SIGLEC15: variants seen among roughly 807,000 people sequenced by gnomAD.
SIGLEC15 encodes sialic acid-binding Ig-like lectin 15.
SIGLEC15 carries 31 observed loss-of-function variants against 26.2 expected under a neutral mutation model. The observed-to-expected ratio is 1.18, with a 90% confidence interval of 0.89 to 1.60. SIGLEC15 has a LOEUF of 1.60. Among genes scored for constraint, SIGLEC15 ranks in the 40% most tolerant of loss-of-function variants. SIGLEC15 has a pLI of 0.00. For synonymous variants in SIGLEC15, 207 were observed against 221.9 expected, an observed-to-expected ratio of 0.93 and a Z score of 0.60; for missense variants, 501 against 488.4, an observed-to-expected ratio of 1.03 and a Z score of -0.24.
chr18:45,825,843 G>A, intron 1 of SIGLEC15, 63 bp downstream of exon 1: 1 of 1,578,772 alleles, frequency 6.3e-7, no homozygotes, highest in East Asian at 2.3e-5. Context: ...AAGCATCTTA[G>A]GTACAGTCTC....
chr18:45,836,427 A>C (rs114485715), intron 1 of SIGLEC15, among the ~76,000 whole-genome samples: 5,983 of 152,090 alleles, frequency 0.039, 373 homozygotes, highest in African/African-American at 0.14. Flanking sequence ...GGGCAGGCTT[A>C]GAAGCCTGCC....
chr18:45,840,257 G>C lies in SIGLEC15; in HGVS notation c.905+16G>C, dbSNP rs201873132. ...CCCCACCACGGTAAGTGAGCTCCCC[G>C]CCTCCACCCTACCCTACCCCACCCA... is the stretch of plus-strand genomic sequence containing the variant. On this transcript the variant is annotated intron_variant, in intron 5 of 5. Coordinates refer to ENST00000389474, the MANE Select transcript of SIGLEC15 (RefSeq NM_213602.3). 4 of 1,609,412 alleles carry C rather than the reference G, an allele frequency of 2.5e-6. No individual in the cohort carries two copies. Among genetic ancestry groups the C allele is most frequent in the South Asian group, 1.1e-5 (1 of 90,268 alleles).
chr18:45,836,713 T>C (rs1005246390), intron 1 of SIGLEC15, among the ~76,000 whole-genome samples: 1 of 152,238 alleles, frequency 6.6e-6, no homozygotes, highest in Non-Finnish European at 1.5e-5. Context: ...GCCCAGGCAC[T>C]AGGGAAGCCA....
intron 5 of SIGLEC15, among the ~76,000 whole-genome samples, chr18:45,841,760 A>G (rs911502210): frequency 2.8e-4 from 42 of 152,156 alleles, no homozygotes; most frequent in African/African-American, 9.7e-4. Context: ...GTGGACATTG[A>G]GATTTGAGAT....
In SIGLEC15 at chr18:45,833,913, A is replaced by C. The variant is rs115873088; in HGVS notation, c.53-3116A>C. On this transcript the variant is annotated intron_variant, in intron 1 of 5. Transcript: ENST00000389474. ...AAATTAACCAAGATAAGTAAAGGAA[A>C]TATGGAAAAAAACCCATGAATCCAT... 8.0e-4 allele frequency among the ~76,000 whole-genome samples: 120 copies of C among 149,962 alleles called. 1 individual carries two copies. The highest frequency in any genetic ancestry group is 3.0e-3 in the African/African-American group (117 of 39,426).
intron 1 of SIGLEC15, among the ~76,000 whole-genome samples, chr18:45,834,568 A>C (rs563270538): frequency 6.6e-6 from 1 of 152,338 alleles, no homozygotes; most frequent in Admixed American, 6.5e-5. Flanking sequence ...TTCAGACAGA[A>C]GGGATATTGT....
At chr18:45,831,109 C>T (rs1228468163) in intron 1 of SIGLEC15, among the ~76,000 whole-genome samples, 1 of 152,082 alleles carries the variant, frequency 6.6e-6, no homozygotes, top group African/African-American at 2.4e-5. Context: ...CCCGGACAGA[C>T]CCCTGACACC....
chr18:45,841,967 T>G lies in SIGLEC15; in HGVS notation c.906-139T>G, dbSNP rs559514584. The G allele has an allele frequency of 1.5e-3, 1,144 of 781,078 alleles. 17 individuals carry two copies. The highest frequency in any genetic ancestry group is 1.0e-4 in the Non-Finnish European group (48 of 462,910). The allele number at this position is 781,078 out of a possible 1,614,324, so 48.4% of individuals were successfully genotyped here. Reference sequence around the variant, plus strand: ...GACTCTGCCCAGCCTCCGATGCCATTCATCTCTGAGCCCTGCCGGTTCCAG... The same window carrying G: ...GACTCTGCCCAGCCTCCGATGCCATGCATCTCTGAGCCCTGCCGGTTCCAG... On this transcript the variant is annotated intron_variant, in intron 5 of 5. Coordinates refer to ENST00000389474, the MANE Select transcript of SIGLEC15 (RefSeq NM_213602.3).
chr18:45,828,488 C>T (rs1019325817), intron 1 of SIGLEC15, among the ~76,000 whole-genome samples: 2 of 152,146 alleles, frequency 1.3e-5, no homozygotes. Context: ...GCTCCAACCA[C>T]CCGAGTGACC....
At chr18:45,837,399 G>A in intron 2 of SIGLEC15, 114 bp from the exon 3 acceptor site, 1 of 1,357,752 alleles carries the variant, frequency 7.4e-7, no homozygotes, top group Non-Finnish European at 9.6e-7. Context: ...GAGTCCTGGG[G>A]TTTCCAGGCT....
At chr18:45,831,191 G>A (rs376924757) in intron 1 of SIGLEC15, among the ~76,000 whole-genome samples, 64 of 152,280 alleles carry the variant, frequency 4.2e-4, no homozygotes, top group South Asian at 6.2e-4. Flanking sequence ...GCCTCGGGCC[G>A]TCTCTGTGTC....
intron 4 of SIGLEC15, among the ~76,000 whole-genome samples, chr18:45,839,353 C>T (rs899512476): frequency 3.9e-5 from 6 of 152,182 alleles, no homozygotes; most frequent in Non-Finnish European, 8.8e-5. Context: ...ATATAGAGAC[C>T]CAGACCCGGT....
Position 45,838,732 on chromosome 18 carries a change from G to C in SIGLEC15, c.511G>C (p.Val171Leu). 1.3e-6 allele frequency: 2 copies of C among 1,578,326 alleles called. No individual in the cohort carries two copies. Among genetic ancestry groups the C allele is most frequent in the Non-Finnish European group, 1.7e-6 (2 of 1,171,418 alleles). ...CTCCCCTGCAGCCGCGCCGCGGATC[G>C]TCAACATCTCGGTGCTGCCCAGTCC... ...RLHVTAAPRI[V>L]NISVLPSPAH... The change falls in exon 4 of 6, where the codon GTC becomes CTC. Residue 171 changes from valine to leucine, a missense_variant. By Grantham distance (32) the Val-to-Leu change is conservative. Transcript: ENST00000389474.
intron 1 of SIGLEC15, among the ~76,000 whole-genome samples, chr18:45,831,553 C>T (rs2048234677): frequency 6.6e-6 from 1 of 152,214 alleles, no homozygotes; most frequent in Non-Finnish European, 1.5e-5. Flanking sequence ...GCCACTGCAA[C>T]TGTATCCCCA....
chr18:45,826,354 G>A (rs960984376), intron 1 of SIGLEC15, among the ~76,000 whole-genome samples: 6 of 152,116 alleles, frequency 3.9e-5, no homozygotes, highest in African/African-American at 1.4e-4. Flanking sequence ...TGGTATCCTG[G>A]GAACAGTGTT....
chr18:45,841,304 G>A (rs1234049185), intron 5 of SIGLEC15, among the ~76,000 whole-genome samples: 9 of 152,116 alleles, frequency 5.9e-5, no homozygotes, highest in Non-Finnish European at 8.8e-5. Flanking sequence ...GAGTGTGGAC[G>A]TAAGACAGGG....
chr18:45,842,057 T>C lies in SIGLEC15; in HGVS notation c.906-49T>C, dbSNP rs145059939. On this transcript the variant is annotated intron_variant, in intron 5 of 5. Transcript: ENST00000389474. ...TGCTGGCATATAGTTTGGGCAGTTG[T>C]GGACCTCCCACCTGTTTGGATGATC... 1.8e-3 allele frequency: 2,879 copies of C among 1,577,672 alleles called. 5 individuals carry two copies. Among genetic ancestry groups the C allele is most frequent in the Non-Finnish European group, 2.2e-3 (2,555 of 1,147,212 alleles).
chr18:45,836,928 G>C (rs2048280273), intron 1 of SIGLEC15, 101 bp from the exon 2 acceptor site: 3 of 725,030 alleles, frequency 4.1e-6, no homozygotes, highest in Non-Finnish European at 7.7e-6. Context: ...GATCCTGAAC[G>C]CTGGCTTGGC....
rs144022797 is a variant in SIGLEC15 at position 45,827,755 on chromosome 18, G to A, written c.52+1975G>A. On this transcript the variant is annotated intron_variant, in intron 1 of 5. Coordinates refer to ENST00000389474, the MANE Select transcript of SIGLEC15 (RefSeq NM_213602.3). The stretch of plus-strand genomic sequence containing the variant: ...CATGAAACCTTGCCAAAGTCACAGC[G>A]TTTCAAGAGAGCCGAGGCTTTGGGG... Among the ~76,000 whole-genome samples, 16 of 152,320 alleles carry A rather than the reference G, an allele frequency of 1.1e-4. No individual in the cohort carries two copies. In the East Asian group the frequency reaches 2.5e-3, roughly 24 times the overall value.
Sources: allele counts gnomAD v4.1 joint callset (sites outside exome capture counted in the v4.1 genomes callset), GRCh38; gene constraint gnomAD v4.1.1; transcripts MANE v1.5; gene names NCBI Gene and HGNC (gene_info 2026-07-23, HGNC 2026-07-21).